Variants in VANGL1 observed in about 807,000 individuals in gnomAD.
The protein encoded by VANGL1 is VANGL planar cell polarity protein 1, also known as vang-like protein 1.
In VANGL1, 18 loss-of-function variants were observed where a neutral mutation model predicts 48.4. The observed-to-expected ratio is 0.37, with a 90% CI of 0.26 to 0.55. The LOEUF (loss-of-function observed/expected upper bound fraction) is 0.55. Among genes scored for constraint, VANGL1 ranks in the 20% least tolerant of loss-of-function variants. The probability of loss-of-function intolerance (pLI) is 0.81; values close to 1 mark genes in which losing one functional copy is unlikely to be tolerated. For synonymous variants in VANGL1, 257 were observed against 261.8 expected, an observed-to-expected ratio of 0.98 and a Z score of 0.18; for missense variants, 667 against 675.8, an observed-to-expected ratio of 0.99 and a Z score of 0.14.
In VANGL1 at chr1:115,694,588, A is replaced by G. The variant is rs1255741013; in HGVS notation, c.*3209A>G. The G allele has an allele frequency of 6.6e-6, 1 of 152,138 alleles. No individual in the cohort carries two copies. Among genetic ancestry groups the G allele is most frequent in the African/African-American group, 2.4e-5 (1 of 41,414 alleles). The allele number at this position is 152,138 out of a possible 1,614,324, so 9.4% of individuals were successfully genotyped here. A position where few individuals can be genotyped will look rare whatever the true frequency, so the allele number is the denominator to read the frequency against. On this transcript the variant is annotated 3_prime_UTR_variant, in exon 8 of 8. Coordinates refer to ENST00000355485, the MANE Select transcript of VANGL1 (RefSeq NM_138959.3). Reference sequence around the variant, plus strand: ...TAGCTCTGTGGGATGCTACCAGCATATTGGACTGACAGAAATTGATTACCT... The same window carrying G: ...TAGCTCTGTGGGATGCTACCAGCATGTTGGACTGACAGAAATTGATTACCT...
At chr1:115,677,379 T>G (rs1427325358) in intron 4 of VANGL1, among the ~76,000 whole-genome samples, 2 of 152,184 alleles carry the variant, frequency 1.3e-5, no homozygotes, top group African/African-American at 4.8e-5. Flanking sequence ...CCACCCTCTT[T>G]GTCCTGCAAA....
chr1:115,676,876 A>G (rs1300717172), intron 4 of VANGL1, among the ~76,000 whole-genome samples: 1 of 152,210 alleles, frequency 6.6e-6, no homozygotes, highest in Non-Finnish European at 1.5e-5. Context: ...GCCACTGAGT[A>G]TTTTGGAGCC....
At chr1:115,648,099 C>T (rs1035951442) in intron 1 of VANGL1, among the ~76,000 whole-genome samples, 3 of 152,146 alleles carry the variant, frequency 2.0e-5, no homozygotes, top group Non-Finnish European at 2.9e-5. Flanking sequence ...GTAACATAAG[C>T]GGCATCAAAT....
rs532222719 is a variant in VANGL1, at chr1:115,698,189, C to G, written c.*6810C>G. The G allele has an allele frequency of 2.6e-5, 4 of 152,312 alleles. No homozygotes were observed. In the East Asian group the frequency reaches 7.7e-4, roughly 29 times the overall value. The allele number at this position is 152,312 out of a possible 1,614,324, so 9.4% of individuals were successfully genotyped here. A position where few individuals can be genotyped will look rare whatever the true frequency, so the allele number is the denominator to read the frequency against. ...TGTTTTACACATCACATTTTTTATA[C>G]TGTAAACTTGGAAAATAAACTGAAA... On this transcript the variant is annotated 3_prime_UTR_variant, in exon 8 of 8. Transcript: ENST00000355485.
chr1:115,661,750 C>T (rs367590554), intron 3 of VANGL1, among the ~76,000 whole-genome samples: 43 of 151,922 alleles, frequency 2.8e-4, no homozygotes, highest in East Asian at 5.8e-4. Context: ...CCCGAATAGC[C>T]GGGATTACAG....
rs1653909566 is a variant in VANGL1, at chr1:115,693,167, T to A, written c.*1788T>A. ...TACTATTCAACTATGTGTTTCTGTT[T>A]ATAAAAAACACATACCATGGAACCA... On this transcript the variant is annotated 3_prime_UTR_variant, in exon 8 of 8. Transcript: ENST00000355485. The A allele has an allele frequency of 6.6e-6, 1 of 152,650 alleles. No individual in the cohort carries two copies. The highest frequency in any genetic ancestry group is 2.4e-5 in the African/African-American group (1 of 41,450). 9.5% of individuals were successfully genotyped at this position (152,650 alleles called of 1,614,324 possible). A position where few individuals can be genotyped will look rare whatever the true frequency, so the allele number is the denominator to read the frequency against.
intron 4 of VANGL1, among the ~76,000 whole-genome samples, chr1:115,680,587 G>A (rs534696674): frequency 2.7e-4 from 41 of 152,310 alleles, no homozygotes; most frequent in Admixed American, 9.1e-4. Context: ...TATCTAGGAC[G>A]ATATTAAGTA....
At chr1:115,656,296 C>T (rs1652353246) in intron 2 of VANGL1, among the ~76,000 whole-genome samples, 2 of 152,208 alleles carry the variant, frequency 1.3e-5, no homozygotes, top group Non-Finnish European at 2.9e-5. Flanking sequence ...CATTATCAAG[C>T]CCCTGCTATA....
At chr1:115,661,775 G>A (rs1236248139) in intron 3 of VANGL1, among the ~76,000 whole-genome samples, 2 of 151,912 alleles carry the variant, frequency 1.3e-5, no homozygotes, top group Non-Finnish European at 2.9e-5. Flanking sequence ...GCACCACCAC[G>A]CCCAGCTAAT....
chr1:115,671,915 C>A (rs369942163), intron 4 of VANGL1, among the ~76,000 whole-genome samples: 11 of 152,214 alleles, frequency 7.2e-5, no homozygotes, highest in African/African-American at 2.7e-4. Flanking sequence ...CAGGAGGAGA[C>A]CAGCAGTGTG....
intron 4 of VANGL1, among the ~76,000 whole-genome samples, chr1:115,668,408 C>G (rs760099748): frequency 6.6e-6 from 1 of 152,192 alleles, no homozygotes; most frequent in Non-Finnish European, 1.5e-5. Context: ...GAGGTCCATT[C>G]CTTAGCTCCA....
chr1:115,665,424 T>C (rs181436644), intron 4 of VANGL1, among the ~76,000 whole-genome samples: 12 of 152,366 alleles, frequency 7.9e-5, no homozygotes, highest in Non-Finnish European at 5.9e-5. Context: ...ATCATGTAGC[T>C]GGCAGAGCAG....
chr1:115,678,318 A>G (rs1653244759), intron 4 of VANGL1, among the ~76,000 whole-genome samples: 1 of 152,206 alleles, frequency 6.6e-6, no homozygotes, highest in Admixed American at 6.5e-5. Context: ...GTGGAGAGGA[A>G]TCAAGGCAAG....
chr1:115,691,491 C>A lies in VANGL1; in HGVS notation c.*112C>A. On this transcript the variant is annotated 3_prime_UTR_variant, in exon 8 of 8. Transcript: ENST00000355485. ...AATTCTTCTTCATTGCTGACTGAAA[C>A]TGGCAGATGATTGACCAGTATCCTT... The A allele has an allele frequency of 8.2e-7, 1 of 1,216,312 alleles. No individual in the cohort carries two copies. Among genetic ancestry groups the A allele is most frequent in the Non-Finnish European group, 1.1e-6 (1 of 891,368 alleles). 75.3% of individuals were successfully genotyped at this position (1,216,312 alleles called of 1,614,324 possible). A position where few individuals can be genotyped will look rare whatever the true frequency, so the allele number is the denominator to read the frequency against.
intron 4 of VANGL1, among the ~76,000 whole-genome samples, chr1:115,681,490 T>C (rs1653381864): frequency 7.6e-6 from 1 of 131,110 alleles, no homozygotes; most frequent in African/African-American, 2.8e-5. Context: ...GCGGAGGCTC[T>C]CTTTTTTTTG....
intron 2 of VANGL1, 136 bp downstream of exon 2, chr1:115,651,620 C>A: frequency 1.4e-6 from 1 of 738,256 alleles, no homozygotes; most frequent in Non-Finnish European, 2.4e-6. Flanking sequence ...GCTTTAAGAG[C>A]ATTTAACATT....
chr1:115,663,603 T>C, intron 3 of VANGL1, 58 bp from the exon 4 acceptor site: 1 of 1,613,264 alleles, frequency 6.2e-7, no homozygotes, highest in Non-Finnish European at 8.5e-7. Context: ...TTCACTGCCC[T>C]TTGTAGCTTT....
At chr1:115,661,713 G>A (rs957472231) in intron 3 of VANGL1, among the ~76,000 whole-genome samples, 2 of 151,952 alleles carry the variant, frequency 1.3e-5, no homozygotes, top group Non-Finnish European at 2.9e-5. Flanking sequence ...TACCTCCCGG[G>A]TTCAAGCGAT....
intron 4 of VANGL1, among the ~76,000 whole-genome samples, chr1:115,672,779 C>T (rs1029104660): frequency 6.6e-6 from 1 of 152,190 alleles, no homozygotes; most frequent in African/African-American, 2.4e-5. Context: ...GAGATATAAA[C>T]ACTCATGTGC....
Sources: gnomAD v4.1 joint callset for allele counts (sites outside exome capture counted in the v4.1 genomes callset) on GRCh38, gnomAD v4.1.1 for gene constraint, MANE v1.5 for transcripts, NCBI Gene and HGNC (gene_info 2026-07-23, HGNC 2026-07-21) for gene names.